Variants in KDM4C observed in about 807,000 individuals in gnomAD.
The protein encoded by KDM4C is lysine-specific demethylase 4C.
A neutral mutation model predicts 129.3 loss-of-function variants in KDM4C; 81 were observed. The ratio of observed to expected loss-of-function variants is 0.63; its 90% CI spans 0.52 to 0.75. The LOEUF (loss-of-function observed/expected upper bound fraction) is 0.75, where lower values mean the gene tolerates loss of function less well. Among genes scored for constraint, KDM4C ranks in the 30% least tolerant of loss-of-function variants. The pLI, the probability that KDM4C is intolerant of heterozygous loss-of-function variation, is 0.00. For synonymous variants in KDM4C, 573 were observed against 456.1 expected (o/e 1.26, Z -3.26); for missense variants, 1,457 against 1,304.0 (o/e 1.12, Z -1.81).
At chr9:6,935,265 A>T (rs1463159901) in intron 8 of KDM4C, among the ~76,000 whole-genome samples, 1 of 152,120 alleles carries the variant, frequency 6.6e-6, no homozygotes, top group African/African-American at 2.4e-5. Context: ...TGTTCGTAAA[A>T]TTGTTCCATT....
At chr9:7,130,292 A>T (rs1240245023) in intron 19 of KDM4C, among the ~76,000 whole-genome samples, 1 of 152,224 alleles carries the variant, frequency 6.6e-6, no homozygotes, top group Non-Finnish European at 1.5e-5. Flanking sequence ...ATAGGAATTA[A>T]TGAACCCTAA....
rs566047709 is a variant in KDM4C at position 6,730,475 on chromosome 9, C to T, written c.49+9478C>T. Among the ~76,000 whole-genome samples the T allele has an allele frequency of 2.6e-5, 4 of 151,878 alleles. 1 individual carries two copies. Among genetic ancestry groups the T allele is most frequent in the East Asian group, 1.9e-4 (1 of 5,138 alleles). ...CTAAAAATACAAAAAATTAGCTGGG[C>T]GTGGTGGCGGGCACCCCTAGTTCCA... On this transcript the variant is annotated intron_variant, in intron 1 of 17. Transcript: ENST00000536108.
intron 15 of KDM4C, among the ~76,000 whole-genome samples, chr9:7,022,621 TGCAAACC>T (rs1192777387): frequency 1.5e-3 from 225 of 147,056 alleles, no homozygotes; most frequent in African/African-American, 5.6e-3. Context: ...CTTTCCAATT[TGCAAACC>T]CTTTATTTCT....
At chr9:6,886,425 G>T (rs547289556) in intron 6 of KDM4C, among the ~76,000 whole-genome samples, 1 of 150,060 alleles carries the variant, frequency 6.7e-6, no homozygotes, top group East Asian at 2.0e-4. Flanking sequence ...TGAATCTCAT[G>T]CCTTAGCCTC....
intron 15 of KDM4C, among the ~76,000 whole-genome samples, chr9:7,035,699 C>A (rs1301173992): frequency 6.6e-6 from 1 of 152,088 alleles, no homozygotes; most frequent in Non-Finnish European, 1.5e-5. Context: ...CATTCTTCTG[C>A]ATGTGGATAT....
At chr9:6,857,755 C>CT (rs34529562) in intron 5 of KDM4C, among the ~76,000 whole-genome samples, 1,963 of 135,518 alleles carry the variant, frequency 0.014, 33 homozygotes, top group African/African-American at 0.041. Context: ...GCCAGCTGTA[C>CT]TTTTTTTTTT....
chr9:7,073,338 G>C (rs1833467082), intron 17 of KDM4C, among the ~76,000 whole-genome samples: 1 of 152,198 alleles, frequency 6.6e-6, no homozygotes, highest in Non-Finnish European at 1.5e-5. Context: ...TAGCACAATG[G>C]TTGGCACTGA....
chr9:7,075,278 T>G (rs1452472418), intron 17 of KDM4C, among the ~76,000 whole-genome samples: 2 of 152,194 alleles, frequency 1.3e-5, no homozygotes, highest in Non-Finnish European at 2.9e-5. Flanking sequence ...GGTTTTGTGT[T>G]TTGAAGTTCA....
chr9:7,139,649 C>G (rs575599815), intron 19 of KDM4C, among the ~76,000 whole-genome samples: 1 of 152,270 alleles, frequency 6.6e-6, no homozygotes, highest in African/African-American at 2.4e-5. Context: ...CTATTTTGTT[C>G]CCTACATGAA....
intron 5 of KDM4C, among the ~76,000 whole-genome samples, chr9:6,879,731 T>C (rs1294551541): frequency 6.6e-6 from 1 of 152,194 alleles, no homozygotes. Context: ...GTCTTGTTGC[T>C]GAGCAGTTTA....
chr9:6,980,474 A>G (rs1312544469), intron 8 of KDM4C, among the ~76,000 whole-genome samples: 2 of 152,136 alleles, frequency 1.3e-5, no homozygotes, highest in Admixed American at 6.5e-5. Context: ...AATATAATAA[A>G]ATATATCTTA....
At chr9:7,160,954 A>G (rs7019933) in intron 19 of KDM4C, among the ~76,000 whole-genome samples, 4 of 100,842 alleles carry the variant, frequency 4.0e-5, no homozygotes, top group African/African-American at 1.3e-4. Flanking sequence ...GTCTAGAGGC[A>G]GTGGGCCTTG....
chr9:6,855,485 A>AC (rs1564168721), intron 5 of KDM4C, among the ~76,000 whole-genome samples: 1 of 148,744 alleles, frequency 6.7e-6, no homozygotes, highest in Non-Finnish European at 1.5e-5. Context: ...AAAAAAAAAA[A>AC]GGAACCCAAT....
chr9:7,109,523 A>G (rs1223525825), intron 18 of KDM4C, among the ~76,000 whole-genome samples: 2 of 152,206 alleles, frequency 1.3e-5, no homozygotes, highest in Non-Finnish European at 2.9e-5. Context: ...ATTTCAGCAT[A>G]TACGCATTTC....
chr9:6,962,475 CTT>C (rs1268196888), intron 8 of KDM4C, among the ~76,000 whole-genome samples: 6 of 152,110 alleles, frequency 3.9e-5, no homozygotes, highest in African/African-American at 2.4e-5. Flanking sequence ...GAAGTCAACA[CTT>C]TATGGTTTCA....
chr9:7,001,412 G>A (rs552586596), intron 12 of KDM4C, among the ~76,000 whole-genome samples: 5 of 152,314 alleles, frequency 3.3e-5, no homozygotes, highest in African/African-American at 1.2e-4. Context: ...GTGAACCATG[G>A]ATCTGGGTTA....
At chr9:6,913,438 T>C (rs145779025) in intron 8 of KDM4C, among the ~76,000 whole-genome samples, 455 of 152,372 alleles carry the variant, frequency 3.0e-3, no homozygotes, top group Middle Eastern at 0.01. Flanking sequence ...AATGGGCTTT[T>C]ATCATGTGTT....
intron 4 of KDM4C, among the ~76,000 whole-genome samples, chr9:6,832,796 C>T (rs1015241164): frequency 6.9e-6 from 1 of 144,406 alleles, no homozygotes; most frequent in Non-Finnish European, 1.5e-5. Context: ...GGTGCAATCT[C>T]AGCTCACTGC....
intron 19 of KDM4C, among the ~76,000 whole-genome samples, chr9:7,132,193 G>A (rs968318234): frequency 5.9e-5 from 9 of 152,174 alleles, no homozygotes; most frequent in African/African-American, 2.2e-4. Context: ...GACACAAATA[G>A]AGTCCCTTAT....
Sources: allele counts gnomAD v4.1 joint callset (sites outside exome capture counted in the v4.1 genomes callset), GRCh38; gene constraint gnomAD v4.1.1; transcripts MANE v1.5; gene names NCBI Gene and HGNC (gene_info 2026-07-23, HGNC 2026-07-21).